LTBP1: variants seen among roughly 807,000 people sequenced by gnomAD.
LTBP1 encodes the protein latent transforming growth factor beta binding protein 1.
A neutral mutation model predicts 207.6 loss-of-function variants in LTBP1; 129 were observed. The ratio of observed to expected loss-of-function variants is 0.62; its 90% CI spans 0.54 to 0.72. The LOEUF (loss-of-function observed/expected upper bound fraction) is 0.72, where lower values mean the gene tolerates loss of function less well. LTBP1 is among the 30% of genes least tolerant of loss of function. The probability of loss-of-function intolerance (pLI) is 0.00; values close to 1 mark genes in which losing one functional copy is unlikely to be tolerated. For synonymous variants in LTBP1, 963 were observed against 833.7 expected, an observed-to-expected ratio of 1.16 and a Z score of -2.67; for missense variants, 2,281 against 2,217.2, an observed-to-expected ratio of 1.03 and a Z score of -0.58.
At position 33,270,515 on chromosome 2, in the gene LTBP1, G is replaced by A. The variant is rs190767434; in HGVS notation, c.2618-3141G>A. Among the ~76,000 whole-genome samples the A allele has an allele frequency of 4.3e-3, 656 of 151,056 alleles. 4 individuals carry two copies. Among genetic ancestry groups the A allele is most frequent in the Middle Eastern group, 0.02 (6 of 294 alleles). ...TGAGGCAGGAGAATGGCGTGAACCC[G>A]GGAGGCAGAGCTTGCACTGAGCCGA... On this transcript the variant is annotated intron_variant, in intron 15 of 33. Transcript: ENST00000404816.
At chr2:33,176,609 T>C (rs985559018) in intron 5 of LTBP1, among the ~76,000 whole-genome samples, 1 of 152,178 alleles carries the variant, frequency 6.6e-6, no homozygotes, top group Non-Finnish European at 1.5e-5. Flanking sequence ...TCTGTTGATA[T>C]ACTCAGAAAT....
intron 2 of LTBP1, among the ~76,000 whole-genome samples, chr2:32,973,667 T>C (rs1681272281): frequency 6.6e-6 from 1 of 152,212 alleles, no homozygotes; most frequent in Non-Finnish European, 1.5e-5. Context: ...CCTATTGTGC[T>C]ATCAGACAAT....
intron 3 of LTBP1, among the ~76,000 whole-genome samples, chr2:33,038,034 A>G (rs2076009099): frequency 6.6e-6 from 1 of 152,242 alleles, no homozygotes; most frequent in Non-Finnish European, 1.5e-5. Flanking sequence ...TCCTGTTTTA[A>G]GGAGGATTCC....
In LTBP1 at chr2:33,186,966, A is replaced by G. The variant is rs765485383; in HGVS notation, c.1312A>G (p.Ser438Gly). The change falls in exon 6 of 34, where the codon AGC (serine) becomes GGC (glycine). Residue 438 changes from serine (S) to glycine (G), a missense_variant. By Grantham distance (56) the Ser-to-Gly change is moderately conservative (BLOSUM62 0). Transcript: ENST00000404816. ...KLCQIPVHGA[S>G]VPKLYQHSQQ... ...TTGTCAGATCCCAGTCCATGGTGCC[A>G]GCGTGCCTAAACTTTATCAGCATTC... The G allele has an allele frequency of 5.0e-6, 8 of 1,614,102 alleles. No homozygotes were observed. The highest frequency in any genetic ancestry group is 3.3e-4 in the Middle Eastern group (2 of 6,084).
chr2:33,208,005 GT>G (rs2090008366), intron 7 of LTBP1, among the ~76,000 whole-genome samples: 1 of 152,196 alleles, frequency 6.6e-6, no homozygotes, highest in Non-Finnish European at 1.5e-5. Context: ...CCTGTTACAT[GT>G]AGTCAGTACT....
chr2:33,354,713 C>T (rs1431163209), intron 26 of LTBP1, among the ~76,000 whole-genome samples: 2 of 135,052 alleles, frequency 1.5e-5, no homozygotes, highest in Non-Finnish European at 3.5e-5. Flanking sequence ...CACACACACA[C>T]ACACACACAC....
chr2:33,132,331 G>T (rs574230752), intron 4 of LTBP1, among the ~76,000 whole-genome samples: 13 of 151,836 alleles, frequency 8.6e-5, no homozygotes, highest in African/African-American at 1.4e-4. Flanking sequence ...TGTTTTTTTT[G>T]AATTTCTAAG....
chr2:33,308,939 A>G (rs971492969), intron 22 of LTBP1, among the ~76,000 whole-genome samples: 4 of 152,158 alleles, frequency 2.6e-5, no homozygotes, highest in African/African-American at 9.7e-5. Context: ...ATTATTTGCT[A>G]CAGAATTTTG....
At chr2:33,293,034 GTTTATC>G (rs1220928508) in intron 19 of LTBP1, 120 bp from the exon 20 acceptor site, 23 of 986,648 alleles carry the variant, frequency 2.3e-5, no homozygotes, top group Non-Finnish European at 3.1e-5. Context: ...TAATTTGAAA[GTTTATC>G]TTTAAGAATC....
At chr2:33,010,568 T>C (rs575230082) in intron 2 of LTBP1, among the ~76,000 whole-genome samples, 4 of 152,290 alleles carry the variant, frequency 2.6e-5, no homozygotes, top group African/African-American at 9.6e-5. Context: ...GGGTGATGGA[T>C]GCCCTAAATA....
At chr2:33,365,068 T>C (rs183454286) in intron 30 of LTBP1, among the ~76,000 whole-genome samples, 3 of 152,212 alleles carry the variant, frequency 2.0e-5, no homozygotes, top group Admixed American at 1.3e-4. Context: ...AGCAAGATAG[T>C]GGGCATTTTA....
At chr2:33,060,675 G>C (rs1326970131) in intron 3 of LTBP1, among the ~76,000 whole-genome samples, 4 of 151,640 alleles carry the variant, frequency 2.6e-5, no homozygotes, top group Non-Finnish European at 5.9e-5. Flanking sequence ...GTGTGTGTGT[G>C]TGTGTAAAGA....
chr2:33,158,961 A>G (rs980306140), intron 5 of LTBP1, among the ~76,000 whole-genome samples: 1 of 152,212 alleles, frequency 6.6e-6, no homozygotes, highest in Non-Finnish European at 1.5e-5. Context: ...TAACCATGCA[A>G]TAGGAAACAC....
intron 4 of LTBP1, among the ~76,000 whole-genome samples, chr2:33,127,539 C>T (rs1318666608): frequency 6.6e-6 from 1 of 152,170 alleles, no homozygotes. Context: ...ATTCCATTCC[C>T]ATGACACTCC....
In LTBP1 at chr2:33,284,713, A is replaced by G. The variant is rs1366074023; in HGVS notation, c.3112+4555A>G. On this transcript the variant is annotated intron_variant, in intron 19 of 33. Transcript: ENST00000404816. ...CCCCCAAGGAAACTCTCTAATATTTAATTATTTAAAGATACATTTGATATT... is the reference window on the plus strand; with the variant it reads ...CCCCCAAGGAAACTCTCTAATATTTGATTATTTAAAGATACATTTGATATT... Among the ~76,000 whole-genome samples, 4 of 152,208 alleles carry G rather than the reference A, an allele frequency of 2.6e-5. No homozygotes were observed. In the South Asian group the frequency reaches 8.3e-4, roughly 32 times the overall value.
intron 3 of LTBP1, among the ~76,000 whole-genome samples, chr2:33,109,931 T>C (rs1410181473): frequency 6.6e-6 from 1 of 152,202 alleles, no homozygotes; most frequent in Non-Finnish European, 1.5e-5. Flanking sequence ...TCCCACTGTA[T>C]CATACAGCTT....
At chr2:33,148,454 A>G (rs1259632317) in intron 5 of LTBP1, among the ~76,000 whole-genome samples, 1 of 152,228 alleles carries the variant, frequency 6.6e-6, no homozygotes, top group Non-Finnish European at 1.5e-5. Context: ...CTTTGAGCAC[A>G]GAGTTGAATT....
intron 2 of LTBP1, among the ~76,000 whole-genome samples, chr2:32,999,057 C>T (rs1685713200): frequency 6.6e-6 from 1 of 152,134 alleles, no homozygotes; most frequent in Non-Finnish European, 1.5e-5. Flanking sequence ...AGGGATGGGT[C>T]CTGCAAAGTT....
intron 3 of LTBP1, among the ~76,000 whole-genome samples, chr2:33,047,821 A>T (rs868497985): frequency 6.6e-6 from 1 of 152,178 alleles, no homozygotes; most frequent in Non-Finnish European, 1.5e-5. Context: ...ATATATATTT[A>T]GGTTAGTTAG....
Sources: gnomAD v4.1 joint callset for allele counts (sites outside exome capture counted in the v4.1 genomes callset) on GRCh38, gnomAD v4.1.1 for gene constraint, MANE v1.5 for transcripts, NCBI Gene and HGNC (gene_info 2026-07-23, HGNC 2026-07-21) for gene names.